Variants in ZFHX3 observed in about 807,000 individuals in gnomAD.
ZFHX3 encodes zinc finger homeobox 3.
ZFHX3 carries 42 observed loss-of-function variants against 279.1 expected under a neutral mutation model. The ratio of observed to expected loss-of-function variants is 0.15; its 90% CI spans 0.12 to 0.19. The LOEUF (loss-of-function observed/expected upper bound fraction) is 0.19. ZFHX3 is among the 10% of genes least tolerant of loss of function. The pLI is 1.00. For missense variants in ZFHX3, 4,981 were observed against 4,754.0 expected, an observed-to-expected ratio of 1.05 and a Z score of -1.40; for synonymous variants, 2,293 against 1,957.8, an observed-to-expected ratio of 1.17 and a Z score of -4.52.
At chr16:73,236,096 T>C in intron 5 of ZFHX3, among the ~76,000 whole-genome samples, 1 of 152,254 alleles carries the variant, frequency 6.6e-6, no homozygotes, top group East Asian at 1.9e-4. Context: ...ACAGGTGTTT[T>C]GGCTTTTATT....
intron 7 of ZFHX3, among the ~76,000 whole-genome samples, chr16:73,125,624 T>C (rs1966556107): frequency 6.6e-6 from 1 of 152,080 alleles, no homozygotes; most frequent in African/African-American, 2.4e-5. Context: ...CCTCCCAGCG[T>C]ACATCTTTCT....
intron 4 of ZFHX3, among the ~76,000 whole-genome samples, chr16:72,871,544 G>A (rs953542543): frequency 2.6e-5 from 4 of 152,116 alleles, no homozygotes; most frequent in East Asian, 1.9e-4. Context: ...GTTTCACCAC[G>A]TTGGCCAGAA....
intron 5 of ZFHX3, among the ~76,000 whole-genome samples, chr16:73,207,044 AAATAAAT>A (rs2011835467): frequency 1.3e-5 from 2 of 150,912 alleles, no homozygotes; most frequent in Non-Finnish European, 2.9e-5. Flanking sequence ...ATAAATAAAT[AAATAAAT>A]AAATAGAACT....
intron 1 of ZFHX3, among the ~76,000 whole-genome samples, chr16:73,878,673 T>C (rs1358298489): frequency 6.6e-6 from 1 of 151,896 alleles, no homozygotes; most frequent in East Asian, 1.9e-4. Context: ...TACAGGTAAC[T>C]AGCGAAAACA....
At chr16:73,818,148 G>T (rs1478004584) in intron 1 of ZFHX3, among the ~76,000 whole-genome samples, 1 of 152,110 alleles carries the variant, frequency 6.6e-6, no homozygotes, top group South Asian at 2.1e-4. Context: ...TGCAGATCTG[G>T]GGGATGCTGC....
chr16:73,842,562 C>T lies in ZFHX3; in HGVS notation c.-1608+49089G>A, dbSNP rs7206767. ...TCCCCTCTGACTCCACCACAGTTCT[C>T]CTCTTGGGATGCAGTCAGATGATGG... On this transcript the variant is annotated intron_variant, in intron 1 of 17. Transcript: ENST00000641206. 1.9e-3 allele frequency among the ~76,000 whole-genome samples: 296 copies of T among 152,234 alleles called. 2 individuals carry two copies. Among genetic ancestry groups the T allele is most frequent in the African/African-American group, 6.4e-3 (264 of 41,534 alleles).
intron 4 of ZFHX3, among the ~76,000 whole-genome samples, chr16:73,287,566 CGGTGTGTGGCTGT>C (rs2014653497): frequency 2.1e-5 from 2 of 94,912 alleles, no homozygotes; most frequent in Non-Finnish European, 4.2e-5. Flanking sequence ...CTGTGTGGGT[CGGTGTGTGGCTGT>C]ATGGGTTGGT....
In ZFHX3 at chr16:73,238,300, A is replaced by G. The variant is rs564504739; in HGVS notation, c.-1104+18747T>C. On this transcript the variant is annotated intron_variant, in intron 5 of 17. Transcript: ENST00000641206. ...ATCTATAGGCTGATCATCAATTATC[A>G]TCTCCATCCCAAACCACTCTCCTGA... 2.0e-5 allele frequency among the ~76,000 whole-genome samples: 3 copies of G among 152,166 alleles called. No homozygotes were observed. The East Asian group carries it at 5.8e-4, about 29-fold the overall frequency.
intron 1 of ZFHX3, chr16:73,809,354 G>A (rs375510149): frequency 6.6e-6 from 1 of 152,202 alleles, no homozygotes; most frequent in African/African-American, 2.4e-5. Context: ...CCAGGGAGGT[G>A]CCACTGTGTG....
intron 1 of ZFHX3, among the ~76,000 whole-genome samples, chr16:73,870,101 T>A (rs1171160399): frequency 6.6e-6 from 1 of 152,194 alleles, no homozygotes; most frequent in Admixed American, 6.5e-5. Flanking sequence ...AGGTCAAAAT[T>A]TCATCTTTTC....
intron 7 of ZFHX3, among the ~76,000 whole-genome samples, chr16:72,801,687 C>T (rs2036106009): frequency 6.6e-6 from 1 of 152,188 alleles, no homozygotes; most frequent in South Asian, 2.1e-4. Context: ...CAGACATCTG[C>T]ACCTCACACA....
chr16:73,691,543 T>C (rs1331027183), intron 1 of ZFHX3, among the ~76,000 whole-genome samples: 1 of 152,230 alleles, frequency 6.6e-6, no homozygotes, highest in African/African-American at 2.4e-5. Context: ...ATAGTTGTAA[T>C]AACAGCTAAC....
intron 5 of ZFHX3, among the ~76,000 whole-genome samples, chr16:73,221,378 A>G: frequency 6.6e-6 from 1 of 151,662 alleles, no homozygotes; most frequent in East Asian, 1.9e-4. Flanking sequence ...GTTATAGATT[A>G]TTTATACTTG....
chr16:73,025,239 C>T (rs1319267955), intron 1 of ZFHX3, among the ~76,000 whole-genome samples: 1 of 152,206 alleles, frequency 6.6e-6, no homozygotes, highest in Non-Finnish European at 1.5e-5. Context: ...CCGCCCTGCA[C>T]CGCCCTGCCC....
chr16:73,811,303 C>A (rs374330951), intron 1 of ZFHX3, among the ~76,000 whole-genome samples: 1 of 152,334 alleles, frequency 6.6e-6, no homozygotes, highest in African/African-American at 2.4e-5. Flanking sequence ...CAAAGCCCCA[C>A]TAGTCCTTCT....
At chr16:72,980,994 TC>T (rs1400523606) in intron 1 of ZFHX3, among the ~76,000 whole-genome samples, 1 of 152,162 alleles carries the variant, frequency 6.6e-6, no homozygotes, top group Non-Finnish European at 1.5e-5. Flanking sequence ...ATCAGGAACA[TC>T]TTCTAAAAGA....
chr16:73,383,561 C>T (rs777104926), intron 3 of ZFHX3, among the ~76,000 whole-genome samples: 4 of 152,130 alleles, frequency 2.6e-5, no homozygotes, highest in Non-Finnish European at 5.9e-5. Flanking sequence ...ATAGCATCAC[C>T]GCAGAGGGAC....
intron 8 of ZFHX3, among the ~76,000 whole-genome samples, chr16:73,085,894 AC>A (rs1359608172): frequency 1.3e-5 from 2 of 151,564 alleles, no homozygotes; most frequent in African/African-American, 2.4e-5. Context: ...TGAAAAAACA[AC>A]CTACAAGAAT....
chr16:72,869,647 A>G lies in ZFHX3; in HGVS notation c.3448+20084T>C, dbSNP rs543198193. Among the ~76,000 whole-genome samples, 2 of 152,316 alleles carry G rather than the reference A, an allele frequency of 1.3e-5. 1 individual carries two copies. The highest frequency in any genetic ancestry group is 4.1e-4 in the South Asian group (2 of 4,822). On this transcript the variant is annotated intron_variant, in intron 4 of 9. Coordinates refer to ENST00000268489, the MANE Select transcript of ZFHX3 (RefSeq NM_006885.4). ...TTCCTGATCATCTAGAAAACCGGGA[A>G]GGGGAGTATAGGCTAAAAATAAACC...
Sources: gnomAD v4.1 joint callset for allele counts (sites outside exome capture counted in the v4.1 genomes callset) on GRCh38, gnomAD v4.1.1 for gene constraint, MANE v1.5 for transcripts, NCBI Gene and HGNC (gene_info 2026-07-23, HGNC 2026-07-21) for gene names.